The following DCC variants were observed in gnomAD, a reference collection of about 807,000 sequenced individuals.
DCC encodes DCC netrin 1 receptor.
Under a neutral mutation model 172.5 loss-of-function variants are expected in DCC, and 58 were observed. That is an observed-to-expected ratio of 0.34 (90% CI 0.27 to 0.42). The LOEUF (loss-of-function observed/expected upper bound fraction) is 0.42. Among genes scored for constraint, DCC ranks in the 10% least tolerant of loss-of-function variants. The pLI is 1.00. For synonymous variants in DCC, 709 were observed against 644.5 expected, an observed-to-expected ratio of 1.10 and a Z score of -1.52; for missense variants, 1,740 against 1,791.0, an observed-to-expected ratio of 0.97 and a Z score of 0.51.
chr18:52,943,194 G>T lies in DCC; in HGVS notation c.985+17824G>T, dbSNP rs1229356246. Among the ~76,000 whole-genome samples, 3 of 152,166 alleles carry T rather than the reference G, an allele frequency of 2.0e-5. No individual in the cohort carries two copies. In the South Asian group the frequency reaches 6.2e-4, roughly 31 times the overall value. On this transcript the variant is annotated intron_variant, in intron 5 of 28. Coordinates refer to ENST00000442544, the MANE Select transcript of DCC (RefSeq NM_005215.4). Reference sequence around the variant, plus strand: ...ACAAGCAATTAACTTTAGACTGATAGAAATAGGTATTTAAATGTATGAAAG... The same window carrying T: ...ACAAGCAATTAACTTTAGACTGATATAAATAGGTATTTAAATGTATGAAAG...
chr18:52,874,702 C>T (rs903648264), intron 2 of DCC, among the ~76,000 whole-genome samples: 4 of 151,842 alleles, frequency 2.6e-5, no homozygotes, highest in African/African-American at 9.7e-5. Context: ...ATGAAATGGC[C>T]ATTGAGATAC....
chr18:53,000,304 C>T lies in DCC; in HGVS notation c.986-63001C>T, dbSNP rs530316362. Among the ~76,000 whole-genome samples the T allele has an allele frequency of 3.3e-5, 5 of 152,116 alleles. No individual in the cohort carries two copies. In the East Asian group the frequency reaches 7.7e-4, roughly 24 times the overall value. On this transcript the variant is annotated intron_variant, in intron 5 of 28. Transcript: ENST00000442544. ...TGATTTTGTAGGATCATATAGTAAG[C>T]GGTGCCCCTTGATGATGCTTCTTCA...
chr18:52,601,143 G>C (rs118059126), intron 1 of DCC, among the ~76,000 whole-genome samples: 3 of 152,022 alleles, frequency 2.0e-5, no homozygotes, highest in Non-Finnish European at 2.9e-5. Context: ...GTAGACATCT[G>C]GCTGTATTAA....
At chr18:52,757,896 C>T (rs1003493580) in intron 2 of DCC, among the ~76,000 whole-genome samples, 1 of 152,120 alleles carries the variant, frequency 6.6e-6, no homozygotes, top group African/African-American at 2.4e-5. Flanking sequence ...AATCCAGATG[C>T]ACACTTATTC....
chr18:52,880,276 A>G (rs1007343742), intron 2 of DCC, among the ~76,000 whole-genome samples: 2 of 152,096 alleles, frequency 1.3e-5, no homozygotes, highest in Admixed American at 6.5e-5. Context: ...AACTGGAATT[A>G]TAGCCATTCA....
rs148017237 is a variant in DCC, at chr18:53,163,582, C to T, written c.1418+6070C>T. 6.4e-4 allele frequency among the ~76,000 whole-genome samples: 98 copies of T among 152,272 alleles called. 2 individuals carry two copies. The East Asian group carries it at 0.015, about 24-fold the overall frequency. ...AAAGTTATTCTAGCTCAGATCATCA[C>T]GAATCTTTCTGACTTGTTAATGGTG... On this transcript the variant is annotated intron_variant, in intron 8 of 28. Transcript: ENST00000442544.
At chr18:53,248,500 G>A (rs962810952) in intron 12 of DCC, among the ~76,000 whole-genome samples, 1 of 151,966 alleles carries the variant, frequency 6.6e-6, no homozygotes, top group Admixed American at 6.6e-5. Flanking sequence ...CCAACTGGTA[G>A]TAGCTAATTT....
intron 5 of DCC, among the ~76,000 whole-genome samples, chr18:53,051,713 T>C (rs1417726225): frequency 6.6e-6 from 1 of 152,086 alleles, no homozygotes; most frequent in South Asian, 2.1e-4. Context: ...TTCTTGTAGA[T>C]GTGTTTTGAT....
At chr18:53,510,462 T>G (rs918323325) in intron 27 of DCC, among the ~76,000 whole-genome samples, 15 of 152,180 alleles carry the variant, frequency 9.9e-5, no homozygotes, top group Admixed American at 9.8e-4. Flanking sequence ...CCAGAAGATA[T>G]TATCATAAAT....
chr18:52,691,393 G>A (rs1279751817), intron 1 of DCC, among the ~76,000 whole-genome samples: 1 of 152,050 alleles, frequency 6.6e-6, no homozygotes, highest in African/African-American at 2.4e-5. Flanking sequence ...GAAACAGCAG[G>A]AATTTATTCT....
At chr18:53,300,296 C>T (rs192958024) in intron 12 of DCC, among the ~76,000 whole-genome samples, 3 of 152,164 alleles carry the variant, frequency 2.0e-5, no homozygotes, top group Admixed American at 1.3e-4. Flanking sequence ...TTTGAGTTGC[C>T]AAATGTCCAC....
chr18:52,673,778 G>T (rs930840522), intron 1 of DCC, among the ~76,000 whole-genome samples: 5 of 152,190 alleles, frequency 3.3e-5, no homozygotes, highest in Non-Finnish European at 7.3e-5. Context: ...ACAGAAGAGA[G>T]AATATTGTCC....
intron 1 of DCC, among the ~76,000 whole-genome samples, chr18:52,587,119 A>T (rs2033692911): frequency 6.6e-6 from 1 of 152,218 alleles, no homozygotes; most frequent in South Asian, 2.1e-4. Flanking sequence ...ATGATGAAAG[A>T]TGTCCAATAT....
Position 53,307,678 on chromosome 18 carries a change from G to A in DCC, c.2053+1959G>A, listed in dbSNP as rs571544868. ...GGATGTTCAATTCACAGAACTATACGCAGCCAATAAAGATGATAAAATGTT... is the reference window on the plus strand; with the variant it reads ...GGATGTTCAATTCACAGAACTATACACAGCCAATAAAGATGATAAAATGTT... On this transcript the variant is annotated intron_variant, in intron 13 of 28. Transcript: ENST00000442544. Among the ~76,000 whole-genome samples, 26 of 151,284 alleles carry A rather than the reference G, an allele frequency of 1.7e-4. No individual in the cohort carries two copies. In the East Asian group the frequency reaches 3.9e-3, roughly 23 times the overall value.
intron 12 of DCC, among the ~76,000 whole-genome samples, chr18:53,253,949 T>C (rs1011091084): frequency 6.6e-6 from 1 of 152,010 alleles, no homozygotes; most frequent in Non-Finnish European, 1.5e-5. Context: ...GAATCAGTGT[T>C]AGATGGCAGG....
chr18:52,866,682 TTGTC>T (rs762493724), intron 2 of DCC, among the ~76,000 whole-genome samples: 6 of 152,210 alleles, frequency 3.9e-5, no homozygotes, highest in Non-Finnish European at 8.8e-5. Context: ...ATTTGGCTCT[TTGTC>T]TATTATTTGT....
chr18:52,371,309 T>C (rs1366330534), intron 1 of DCC, among the ~76,000 whole-genome samples: 3 of 152,342 alleles, frequency 2.0e-5, no homozygotes, highest in Middle Eastern at 3.4e-3. Flanking sequence ...ATCTGGGAAA[T>C]ACCAAAGTGA....
At chr18:52,965,582 G>T (rs146639836) in intron 5 of DCC, among the ~76,000 whole-genome samples, 2,040 of 152,028 alleles carry the variant, frequency 0.013, 60 homozygotes, top group African/African-American at 0.047. Context: ...TAATTTTTGT[G>T]TTTTTTTCTT....
chr18:52,807,488 C>G (rs990081062), intron 2 of DCC, among the ~76,000 whole-genome samples: 2 of 151,972 alleles, frequency 1.3e-5, no homozygotes, highest in East Asian at 2.0e-4. Context: ...AACATACATA[C>G]TTGATTGTTT....
Sources: gnomAD v4.1 joint callset for allele counts (sites outside exome capture counted in the v4.1 genomes callset) on GRCh38, gnomAD v4.1.1 for gene constraint, MANE v1.5 for transcripts, NCBI Gene and HGNC (gene_info 2026-07-23, HGNC 2026-07-21) for gene names.